Variants in HYAL4 observed in about 807,000 individuals in gnomAD.
HYAL4 encodes hyaluronidase-4.
A neutral mutation model predicts 35.2 loss-of-function variants in HYAL4; 37 were observed. The ratio of observed to expected loss-of-function variants is 1.05; its 90% confidence interval spans 0.81 to 1.38. HYAL4 has a LOEUF of 1.38. Ranked by LOEUF, HYAL4 falls within the 40% of genes most tolerant of loss-of-function variation. The pLI is 0.00. For missense variants in HYAL4, 572 were observed against 572.4 expected, an observed-to-expected ratio of 1.00 and a Z score of 0.01; for synonymous variants, 198 against 203.2, an observed-to-expected ratio of 0.97 and a Z score of 0.22.
chr7:123,859,976 C>G (rs1806541824), intron 2 of HYAL4, among the ~76,000 whole-genome samples: 1 of 152,176 alleles, frequency 6.6e-6, no homozygotes, highest in Non-Finnish European at 1.5e-5. Flanking sequence ...AATCTCATCT[C>G]AAATTATCAT....
Position 123,869,235 on chromosome 7 carries a change from GCTT to G in HYAL4, c.954+12_954+14del, listed in dbSNP as rs1584926461. On this transcript the variant is annotated intron_variant, in intron 3 of 4. Coordinates refer to ENST00000223026, the MANE Select transcript of HYAL4 (RefSeq NM_012269.3). ...TTATTTTTCCTTTCTAAGGTAAGAA[GCTT>G]CTTGTCCAATGGTGGGGGATTTCCT... is the stretch of plus-strand genomic sequence containing the variant. 6.4e-7 allele frequency: 1 copy of G among 1,550,752 alleles called. No homozygotes were observed. Among genetic ancestry groups the G allele is most frequent in the East Asian group, 2.3e-5 (1 of 44,192 alleles).
At chr7:123,854,416 T>G (rs543166401) in intron 2 of HYAL4, among the ~76,000 whole-genome samples, 200 of 152,320 alleles carry the variant, frequency 1.3e-3, no homozygotes, top group Non-Finnish European at 2.2e-3. Flanking sequence ...ATCTGGTACA[T>G]TGTGTCTTTG....
intron 3 of HYAL4, 55 bp downstream of exon 3, chr7:123,869,282 A>G: frequency 1.7e-6 from 2 of 1,156,734 alleles, no homozygotes; most frequent in Middle Eastern, 5.0e-4. Flanking sequence ...CTAAAAGGAC[A>G]TTTCTTTGTT....
chr7:123,866,855 A>G (rs1033685171), intron 2 of HYAL4, among the ~76,000 whole-genome samples: 2 of 129,316 alleles, frequency 1.5e-5, no homozygotes, highest in African/African-American at 3.1e-5. Context: ...CAGTGGTGTG[A>G]TCTTGGTTCA....
chr7:123,810,100 A>G, the HYAL4 span, among the ~76,000 whole-genome samples: 19,731 of 152,278 alleles, frequency 0.13, 1,350 homozygotes, highest in Non-Finnish European at 0.14. Context: ...GAGAAAAGAC[A>G]AGGAGTGTTT....
rs767653383 is a variant in HYAL4 at position 123,868,928 on chromosome 7, T to C, written c.655T>C (p.Leu219=). ...ACCCAAAGGCCTTTGGGGTTATTAT[T>C]TATATCCTGATTGCCACAATTATAA... The part of the protein sequence containing the change: ...SRPKGLWGYY[L]YPDCHNYNVY... The change falls in exon 3 of 5, where the codon TTA becomes CTA. Residue 219 remains leucine (L), a synonymous_variant. Transcript: ENST00000223026. 2.5e-6 allele frequency: 4 copies of C among 1,614,002 alleles called. No homozygotes were observed. The highest frequency in any genetic ancestry group is 1.7e-5 in the Admixed American group (1 of 59,994).
chr7:123,785,281 C>T, the HYAL4 span, among the ~76,000 whole-genome samples: 1 of 152,092 alleles, frequency 6.6e-6, no homozygotes, highest in East Asian at 1.9e-4. The surrounding 1 kb of genome is among the most constrained non-coding windows in gnomAD (Gnocchi z 4.5). Flanking sequence ...GAGAAAATGT[C>T]TCCCTATGTT....
chr7:123,773,558 A>T, the HYAL4 span, among the ~76,000 whole-genome samples: 7 of 152,224 alleles, frequency 4.6e-5, no homozygotes, highest in Non-Finnish European at 1.0e-4. Flanking sequence ...ATTTTATCTC[A>T]CAGAATGTTT....
intron 2 of HYAL4, among the ~76,000 whole-genome samples, chr7:123,865,994 A>G (rs1056203394): frequency 6.6e-6 from 1 of 152,184 alleles, no homozygotes; most frequent in Non-Finnish European, 1.5e-5. Context: ...ATCAGATGGC[A>G]TGAGACTTAT....
chr7:123,867,362 G>A (rs1353415046), intron 2 of HYAL4, among the ~76,000 whole-genome samples: 3 of 152,160 alleles, frequency 2.0e-5, no homozygotes, highest in Non-Finnish European at 4.4e-5. Flanking sequence ...AAGAGGACTT[G>A]GTCAACAGGC....
chr7:123,846,980 C>G (rs1039458949), intron 1 of HYAL4, among the ~76,000 whole-genome samples: 3 of 152,144 alleles, frequency 2.0e-5, no homozygotes, highest in African/African-American at 7.2e-5. Context: ...AGCTTGGGCT[C>G]TATTTGGGGT....
the HYAL4 span, among the ~76,000 whole-genome samples, chr7:123,822,343 A>G: frequency 4.6e-5 from 7 of 152,108 alleles, no homozygotes; most frequent in Non-Finnish European, 1.0e-4. Flanking sequence ...TTTTTGATGT[A>G]CAAGTCTTTC....
chr7:123,867,392 C>A (rs1464230931), intron 2 of HYAL4, among the ~76,000 whole-genome samples: 1 of 152,098 alleles, frequency 6.6e-6, no homozygotes, highest in Non-Finnish European at 1.5e-5. Flanking sequence ...GTTAGGCAAT[C>A]ATGATGAGTG....
At chr7:123,778,020 T>G in the HYAL4 span, among the ~76,000 whole-genome samples, 1 of 152,098 alleles carries the variant, frequency 6.6e-6, no homozygotes, top group Admixed American at 6.6e-5. Context: ...TTTTAACTAC[T>G]TATTTTGAAA....
At chr7:123,847,233 C>T (rs1806193634) in intron 1 of HYAL4, among the ~76,000 whole-genome samples, 1 of 152,122 alleles carries the variant, frequency 6.6e-6, no homozygotes, top group African/African-American at 2.4e-5. Context: ...TAAAAAATTT[C>T]TGAGATATAC....
the HYAL4 span, among the ~76,000 whole-genome samples, chr7:123,775,700 C>T: frequency 2.6e-5 from 4 of 152,134 alleles, no homozygotes; most frequent in African/African-American, 7.2e-5. Context: ...ATTTTTCCTC[C>T]ATCTTTAGAT....
chr7:123,817,266 A>C, the HYAL4 span, among the ~76,000 whole-genome samples: 1 of 152,150 alleles, frequency 6.6e-6, no homozygotes. Context: ...ACTGTAATCT[A>C]TATAGTCACC....
chr7:123,768,330 T>A, the HYAL4 span, among the ~76,000 whole-genome samples: 1 of 152,102 alleles, frequency 6.6e-6, no homozygotes. Context: ...TTTACATGGG[T>A]TTGGTTGATA....
the HYAL4 span, among the ~76,000 whole-genome samples, chr7:123,784,654 C>A: frequency 0.14 from 21,321 of 152,182 alleles, 1,797 homozygotes; most frequent in African/African-American, 0.21. Flanking sequence ...CAATGTTTTT[C>A]TCAAAGGACT....
Sources: allele counts gnomAD v4.1 joint callset (sites outside exome capture counted in the v4.1 genomes callset), GRCh38; gene constraint gnomAD v4.1.1; non-coding constraint Gnocchi (gnomAD v3.1); transcripts MANE v1.5; gene names NCBI Gene and HGNC (gene_info 2026-07-23, HGNC 2026-07-21).